Variants in FAM186A observed in about 807,000 individuals in gnomAD.
FAM186A encodes the protein protein FAM186A.
A neutral mutation model predicts 216.8 loss-of-function variants in FAM186A; 163 were observed. The observed-to-expected ratio is 0.75, with a 90% CI of 0.66 to 0.86. FAM186A has a LOEUF of 0.86. FAM186A is among the 40% of genes least tolerant of loss of function. The pLI is 0.00. For synonymous variants in FAM186A, 805 were observed against 1,025.3 expected, an observed-to-expected ratio of 0.79 and a Z score of 4.10; for missense variants, 2,184 against 2,746.2, an observed-to-expected ratio of 0.80 and a Z score of 4.58.
intron 1 of FAM186A, chr12:50,365,765 G>C (rs774623829): frequency 7.9e-6 from 6 of 754,812 alleles, no homozygotes; most frequent in Non-Finnish European, 1.2e-5. Flanking sequence ...CCGAAGAGCT[G>C]AGACAGAAGT....
At chr12:50,389,762 G>T (rs1943340497) in intron 1 of FAM186A, among the ~76,000 whole-genome samples, 1 of 152,170 alleles carries the variant, frequency 6.6e-6, no homozygotes, top group South Asian at 2.1e-4. Flanking sequence ...ACTGGACTTA[G>T]TACCTAGTTA....
intron 2 of FAM186A, among the ~76,000 whole-genome samples, chr12:50,362,680 G>A (rs1943047266): frequency 6.8e-6 from 1 of 147,182 alleles, no homozygotes; most frequent in African/African-American, 2.5e-5. Context: ...GGAGGCGGGA[G>A]TTGCCTTGAG....
At chr12:50,378,081 C>T (rs552695742) in intron 1 of FAM186A, among the ~76,000 whole-genome samples, 15 of 151,622 alleles carry the variant, frequency 9.9e-5, no homozygotes, top group East Asian at 1.9e-4. Context: ...CAAAATTAGC[C>T]GGCGTGGTGG....
intron 2 of FAM186A, among the ~76,000 whole-genome samples, chr12:50,362,206 C>T (rs1269632797): frequency 6.6e-6 from 1 of 151,044 alleles, no homozygotes; most frequent in African/African-American, 2.4e-5. Context: ...CTCCTGAGCT[C>T]AGGCAATCCA....
At position 50,331,826 on chromosome 12, in the gene FAM186A, A is replaced by T; in HGVS notation, c.6697-5T>A. The T allele has an allele frequency of 6.9e-7, 1 of 1,445,554 alleles. No homozygotes were observed. The highest frequency in any genetic ancestry group is 9.2e-7 in the Non-Finnish European group (1 of 1,089,512). 89.5% of individuals were successfully genotyped at this position (1,445,554 alleles called of 1,614,324 possible). ...CAATTCATGTATCTTTTTGAGCTAT[A>T]AAAAAAAATAGATCAGAAAAAGGAA... On this transcript the variant is annotated splice_polypyrimidine_tract_variant and splice_region_variant and intron_variant, in intron 5 of 7. Transcript: ENST00000327337.
rs867186382 is a variant in FAM186A, at chr12:50,370,185, T to C, written c.193-6821A>G. On this transcript the variant is annotated intron_variant, in intron 1 of 7. Transcript: ENST00000327337. ...CAGGCATGGTGGCACACTCCTGTAA[T>C]CCCAGCTACTTGGGTGGCTGAGGCA... 6.2e-5 allele frequency among the ~76,000 whole-genome samples: 8 copies of C among 129,882 alleles called. 1 individual carries two copies. The highest frequency in any genetic ancestry group is 2.3e-4 in the African/African-American group (8 of 34,346). The allele number at this position is 129,882 out of a possible 152,430, so 85.2% of individuals were successfully genotyped here.
At chr12:50,383,278 A>AAAAAAAAAAAAAGAAAGAG (rs1555218962) in intron 1 of FAM186A, among the ~76,000 whole-genome samples, 1 of 49,170 alleles carries the variant, frequency 2.0e-5, no homozygotes, top group African/African-American at 5.3e-5. Flanking sequence ...AAAAAAAAAA[A>AAAAAAAAAAAAAGAAAGAG]AGAGAGAGAG....
At chr12:50,371,851 T>C (rs1426545344) in intron 1 of FAM186A, among the ~76,000 whole-genome samples, 1 of 152,142 alleles carries the variant, frequency 6.6e-6, no homozygotes, top group Non-Finnish European at 1.5e-5. Flanking sequence ...TCGCTCTTAT[T>C]GCCCAGGTTG....
intron 1 of FAM186A, among the ~76,000 whole-genome samples, chr12:50,371,231 C>T (rs1463032253): frequency 6.6e-6 from 1 of 151,794 alleles, no homozygotes; most frequent in Non-Finnish European, 1.5e-5. Context: ...GATTCTCCTG[C>T]CTCAGCCTCC....
At chr12:50,358,781 T>C (rs1210470303) in intron 3 of FAM186A, among the ~76,000 whole-genome samples, 2 of 149,588 alleles carry the variant, frequency 1.3e-5, no homozygotes, top group East Asian at 2.0e-4. Context: ...AAATTAACCA[T>C]GCGTGGTGGC....
chr12:50,377,844 A>C (rs576505170), intron 1 of FAM186A, among the ~76,000 whole-genome samples: 55 of 151,408 alleles, frequency 3.6e-4, no homozygotes, highest in African/African-American at 1.3e-3. Context: ...CAAAAAAAAA[A>C]AAACAAGAAA....
Position 50,393,203 on chromosome 12 carries a change from T to C in FAM186A, c.192+3090A>G, listed in dbSNP as rs12315882. Among the ~76,000 whole-genome samples, 491 of 151,734 alleles carry C rather than the reference T, an allele frequency of 3.2e-3. 4 individuals are homozygous for C. The highest frequency in any genetic ancestry group is 9.9e-3 in the African/African-American group (409 of 41,438). On this transcript the variant is annotated intron_variant, in intron 1 of 7. Coordinates refer to ENST00000327337, the MANE Select transcript of FAM186A (RefSeq NM_001145475.3). ...GCCTCCAAAGTGCTGGGATTACAGG[T>C]ATGAGCCACCGCTCCCGGCTCGATA...
rs541010309 is a variant in FAM186A at position 50,355,838 on chromosome 12, G to A, written c.994C>T (p.Arg332Ter). 3.2e-5 allele frequency: 49 copies of A among 1,551,118 alleles called. No homozygotes were observed. Among genetic ancestry groups the A allele is most frequent in the Admixed American group, 5.9e-5 (3 of 50,924 alleles). The change falls in exon 4 of 8, where the codon CGA becomes TGA. Residue 332 changes from arginine (R) to a stop codon, truncating the protein, a stop_gained. Coordinates refer to ENST00000327337, the MANE Select transcript of FAM186A (RefSeq NM_001145475.3). LOFTEE classifies it high-confidence loss of function. ...AGTTGTTCTATAACAATTTTGGATC[G>A]AATAAGTTGTTCACATTTTTCTTCT... is the stretch of plus-strand genomic sequence containing the variant. ...DAEEKCEQLI[R>*]SKIVIEQLYA...
chr12:50,385,063 C>A (rs527877635), intron 1 of FAM186A, among the ~76,000 whole-genome samples: 14 of 151,762 alleles, frequency 9.2e-5, no homozygotes, highest in African/African-American at 2.9e-4. Flanking sequence ...CCTTGGCCTC[C>A]CAAAGTGCTG....
chr12:50,379,479 CA>C (rs1555218642), intron 1 of FAM186A, among the ~76,000 whole-genome samples: 11 of 11,366 alleles, frequency 9.7e-4, no homozygotes, highest in South Asian at 8.2e-3. Flanking sequence ...AAAACAAAAA[CA>C]AAAACAAAAA....
intron 1 of FAM186A, among the ~76,000 whole-genome samples, chr12:50,364,275 C>A (rs1943066022): frequency 6.6e-6 from 1 of 152,118 alleles, no homozygotes; most frequent in Middle Eastern, 3.2e-3. Flanking sequence ...AAACACAAGG[C>A]TGGGTGCGGT....
At chr12:50,379,162 C>T (rs898057540) in intron 1 of FAM186A, among the ~76,000 whole-genome samples, 8 of 150,608 alleles carry the variant, frequency 5.3e-5, no homozygotes, top group Admixed American at 6.6e-5. Flanking sequence ...AAAATTGGGC[C>T]GGGCACGGTG....
At chr12:50,382,120 G>A (rs1943258412) in intron 1 of FAM186A, among the ~76,000 whole-genome samples, 1 of 151,774 alleles carries the variant, frequency 6.6e-6, no homozygotes, top group African/African-American at 2.4e-5. Context: ...GTGGACACTG[G>A]TCAGTTAACA....
At chr12:50,377,521 G>A (rs193184513) in intron 1 of FAM186A, among the ~76,000 whole-genome samples, 4 of 152,114 alleles carry the variant, frequency 2.6e-5, no homozygotes, top group African/African-American at 7.2e-5. Context: ...ATATGATAAC[G>A]AAGGCACAAC....
Sources: allele counts gnomAD v4.1 joint callset (sites outside exome capture counted in the v4.1 genomes callset), GRCh38; gene constraint gnomAD v4.1.1; transcripts MANE v1.5; gene names NCBI Gene and HGNC (gene_info 2026-07-23, HGNC 2026-07-21).